The following EEA1 variants were observed in gnomAD, a reference collection of about 807,000 sequenced individuals.
The protein encoded by EEA1 is early endosome antigen 1, also known as early endosome antigen 1, 162kD.
A neutral mutation model predicts 209.2 loss-of-function variants in EEA1; 111 were observed. That is an observed-to-expected ratio of 0.53 (90% CI 0.45 to 0.62). The LOEUF (loss-of-function observed/expected upper bound fraction) is 0.62, where lower values mean the gene tolerates loss of function less well. Ranked by LOEUF, EEA1 falls within the 20% of genes least tolerant of loss-of-function variation. The probability of loss-of-function intolerance (pLI) is 0.00; values close to 1 mark genes in which losing one functional copy is unlikely to be tolerated. For synonymous variants in EEA1, 536 were observed against 540.6 expected (o/e 0.99, Z 0.12); for missense variants, 1,343 against 1,530.8 (o/e 0.88, Z 2.05).
chr12:92,823,537 CTGTT>C (rs968677010), intron 13 of EEA1, among the ~76,000 whole-genome samples: 10 of 152,202 alleles, frequency 6.6e-5, no homozygotes, highest in Non-Finnish European at 2.9e-5. Flanking sequence ...TTTCCAGACT[CTGTT>C]TGGTTTAGGT....
intron 14 of EEA1, among the ~76,000 whole-genome samples, chr12:92,818,496 C>A (rs557326656): frequency 3.3e-5 from 5 of 152,178 alleles, no homozygotes; most frequent in Admixed American, 3.3e-4. Flanking sequence ...TTAATTTATT[C>A]TTTAAAATGA....
intron 2 of EEA1, among the ~76,000 whole-genome samples, chr12:92,872,856 G>T (rs1878714786): frequency 6.6e-6 from 1 of 152,198 alleles, no homozygotes; most frequent in Non-Finnish European, 1.5e-5. Context: ...GGGAGGCTCA[G>T]GCCAGAGAAT....
chr12:92,799,186 A>G, intron 20 of EEA1, 100 bp from the exon 21 acceptor site: 1 of 1,068,264 alleles, frequency 9.4e-7, no homozygotes, highest in Non-Finnish European at 1.3e-6. Flanking sequence ...TCATTTGTTC[A>G]TTCAAAAGAC....
At chr12:92,835,703 G>A (rs1322806146) in intron 10 of EEA1, among the ~76,000 whole-genome samples, 5 of 151,836 alleles carry the variant, frequency 3.3e-5, no homozygotes, top group Non-Finnish European at 5.9e-5. Flanking sequence ...GAGCCACCGC[G>A]CCCGGCTGAT....
intron 2 of EEA1, among the ~76,000 whole-genome samples, chr12:92,869,935 C>G (rs1218612619): frequency 6.6e-6 from 1 of 152,064 alleles, no homozygotes; most frequent in Non-Finnish European, 1.5e-5. Flanking sequence ...TTTTATGCCT[C>G]CAGCTTTGCT....
chr12:92,924,276 C>T (rs1332762400), intron 1 of EEA1, among the ~76,000 whole-genome samples: 9 of 143,136 alleles, frequency 6.3e-5, no homozygotes, highest in South Asian at 2.2e-4. Flanking sequence ...GGCACAATCT[C>T]GGCTCACTGC....
At chr12:92,785,201 A>G (rs910723797) in intron 22 of EEA1, among the ~76,000 whole-genome samples, 1 of 152,114 alleles carries the variant, frequency 6.6e-6, no homozygotes, top group Non-Finnish European at 1.5e-5. Flanking sequence ...CCTTTCCTGG[A>G]CAACAAAGAG....
intron 21 of EEA1, among the ~76,000 whole-genome samples, chr12:92,797,074 G>GTTTT (rs536974638): frequency 1.3e-3 from 203 of 151,996 alleles, no homozygotes; most frequent in African/African-American, 4.8e-3. Context: ...TTAAATTTTG[G>GTTTT]GTGTTTTGGT....
chr12:92,802,734 T>G lies in EEA1; in HGVS notation c.2340A>C (p.Ile780=). The G allele has an allele frequency of 3.9e-6, 6 of 1,537,536 alleles. No homozygotes were observed. Among genetic ancestry groups the G allele is most frequent in the Non-Finnish European group, 5.2e-6 (6 of 1,150,746 alleles). The change falls in exon 19 of 29, where the codon ATA becomes ATC. Residue 780 remains isoleucine (I), a splice_region_variant and synonymous_variant. Transcript: ENST00000322349. ...GTAGATCCAATCTTGTACTGGATAC[T>G]CTAAATATTTAAAAAACAATCTTTT... ...LSKQLEMEKE[I]VSSTRLDLQK...
chr12:92,809,749 A>G (rs1030375012), intron 17 of EEA1, among the ~76,000 whole-genome samples: 16 of 152,076 alleles, frequency 1.1e-4, no homozygotes, highest in African/African-American at 3.6e-4. Flanking sequence ...GAAACATAGA[A>G]ACATAAATAG....
chr12:92,810,324 A>G (rs1306019332), intron 17 of EEA1, among the ~76,000 whole-genome samples: 1 of 152,154 alleles, frequency 6.6e-6, no homozygotes, highest in Non-Finnish European at 1.5e-5. Context: ...AATCACAATA[A>G]AAACTCAGTT....
chr12:92,814,876 A>C (rs193177776), intron 15 of EEA1, among the ~76,000 whole-genome samples: 1 of 152,322 alleles, frequency 6.6e-6, no homozygotes, highest in East Asian at 1.9e-4. Context: ...TAAAAGCCTC[A>C]TTTGTATAGT....
At chr12:92,915,204 T>A (rs887750247) in intron 1 of EEA1, among the ~76,000 whole-genome samples, 1 of 152,124 alleles carries the variant, frequency 6.6e-6, no homozygotes, top group Non-Finnish European at 1.5e-5. Context: ...CAGTGGTTTG[T>A]GCATGTAATC....
chr12:92,869,171 G>A (rs939567776), intron 2 of EEA1, among the ~76,000 whole-genome samples: 11 of 152,138 alleles, frequency 7.2e-5, no homozygotes, highest in African/African-American at 2.7e-4. Flanking sequence ...TCTAAATGAT[G>A]TCCAAGGGGA....
chr12:92,892,534 C>A (rs565314374), intron 1 of EEA1, among the ~76,000 whole-genome samples: 9 of 143,608 alleles, frequency 6.3e-5, no homozygotes, highest in African/African-American at 2.3e-4. Flanking sequence ...TCTTCTGATT[C>A]CTTTGACAAT....
intron 9 of EEA1, among the ~76,000 whole-genome samples, chr12:92,850,748 TAA>T (rs1877589834): frequency 2.7e-5 from 4 of 149,782 alleles, no homozygotes; most frequent in African/African-American, 9.8e-5. Context: ...AAGCCTTTCT[TAA>T]ATATATTTTC....
chr12:92,821,905 C>T (rs1202968306), intron 13 of EEA1, among the ~76,000 whole-genome samples: 1 of 149,480 alleles, frequency 6.7e-6, no homozygotes, highest in Non-Finnish European at 1.5e-5. Context: ...TCGAATTTAA[C>T]AAAAAAACCT....
chr12:92,778,432 TTTC>T (rs932624167), intron 25 of EEA1, among the ~76,000 whole-genome samples: 3 of 152,008 alleles, frequency 2.0e-5, no homozygotes, highest in African/African-American at 7.2e-5. Flanking sequence ...ATGTGAGATC[TTTC>T]TTCTTCTCCA....
At chr12:92,797,258 T>C (rs1378242164) in intron 21 of EEA1, among the ~76,000 whole-genome samples, 1 of 152,104 alleles carries the variant, frequency 6.6e-6, no homozygotes, top group African/African-American at 2.4e-5. Flanking sequence ...CAGCTAATTT[T>C]TGTATTTTTA....
Sources: allele counts gnomAD v4.1 joint callset (sites outside exome capture counted in the v4.1 genomes callset), GRCh38; gene constraint gnomAD v4.1.1; transcripts MANE v1.5; gene names NCBI Gene and HGNC (gene_info 2026-07-23, HGNC 2026-07-21).